USP7: variants seen among roughly 807,000 people sequenced by gnomAD.
The protein encoded by USP7 is ubiquitin specific peptidase 7, also known as ubiquitin C-terminal hydrolase 7.
A neutral mutation model predicts 162.9 loss-of-function variants in USP7; 9 were observed. The observed-to-expected ratio is 0.06, with a 90% confidence interval of 0.03 to 0.10. The LOEUF is 0.10. USP7 is among the 10% of genes least tolerant of loss of function. The pLI is 1.00. For synonymous variants in USP7, 562 were observed against 475.9 expected (o/e 1.18, Z -2.35); for missense variants, 715 against 1,373.7 (o/e 0.52, Z 7.58).
In USP7 at chr16:8,905,402, T is replaced by C. The variant is rs568802738; in HGVS notation, c.1429-71A>G. 143 of 1,582,108 alleles carry C rather than the reference T, an allele frequency of 9.0e-5. No homozygotes were observed. The African/African-American group carries it at 1.5e-3, about 17-fold the overall frequency. On this transcript the variant is annotated intron_variant, in intron 13 of 30. Coordinates refer to ENST00000344836, the MANE Select transcript of USP7 (RefSeq NM_003470.3). ...AAGTACCCAACACTAGAAGGCAGCG[T>C]TGTTCTAAAATGTGTGAACTTCTAG... is the stretch of plus-strand genomic sequence containing the variant.
At chr16:8,950,266 T>C (rs370881738) in intron 1 of USP7, among the ~76,000 whole-genome samples, 3 of 152,064 alleles carry the variant, frequency 2.0e-5, no homozygotes, top group African/African-American at 7.2e-5. Context: ...CCTTGGTATC[T>C]AGGCTTGCAG....
chr16:8,939,885 G>T (rs1898955510), intron 1 of USP7, among the ~76,000 whole-genome samples: 1 of 152,194 alleles, frequency 6.6e-6, no homozygotes, highest in Non-Finnish European at 1.5e-5. Flanking sequence ...AGATCACGAG[G>T]TCAGGAGATT....
At chr16:8,908,885 C>CA (rs2061900341) in intron 11 of USP7, among the ~76,000 whole-genome samples, 4 of 152,244 alleles carry the variant, frequency 2.6e-5, no homozygotes, top group Non-Finnish European at 5.9e-5. Flanking sequence ...AATGCCCAAA[C>CA]AGAACAAGCA....
chr16:8,911,824 C>A (rs1297277218), intron 10 of USP7, among the ~76,000 whole-genome samples: 6 of 152,170 alleles, frequency 3.9e-5, no homozygotes, highest in Non-Finnish European at 8.8e-5. Context: ...GAGGAAATTA[C>A]CTGGGGCAAG....
intron 2 of USP7, among the ~76,000 whole-genome samples, chr16:8,925,430 C>T (rs1897934429): frequency 6.6e-6 from 1 of 152,180 alleles, no homozygotes; most frequent in African/African-American, 2.4e-5. Context: ...TGCCTCTTTT[C>T]CAACCCATCT....
chr16:8,939,649 C>T (rs1050206587), intron 1 of USP7, among the ~76,000 whole-genome samples: 1 of 152,226 alleles, frequency 6.6e-6, no homozygotes, highest in Non-Finnish European at 1.5e-5. Context: ...GAATGTTTCA[C>T]CTCCAGGCAT....
chr16:8,902,862 G>A (rs1053691405), intron 16 of USP7, among the ~76,000 whole-genome samples: 3 of 152,028 alleles, frequency 2.0e-5, no homozygotes, highest in Non-Finnish European at 2.9e-5. Flanking sequence ...GGCAACAAGA[G>A]TGAAACTCTG....
intron 1 of USP7, among the ~76,000 whole-genome samples, chr16:8,944,622 CAGAA>C (rs1191061422): frequency 6.6e-6 from 1 of 152,206 alleles, no homozygotes; most frequent in African/African-American, 2.4e-5. Context: ...CAACCTAGCA[CAGAA>C]AGAAAACTAT....
At chr16:8,953,167 T>C (rs1899636293) in intron 1 of USP7, among the ~76,000 whole-genome samples, 1 of 152,038 alleles carries the variant, frequency 6.6e-6, no homozygotes, top group Admixed American at 6.6e-5. Context: ...CTGTGTCGCC[T>C]TCTCTGTGAG....
chr16:8,916,381 C>A (rs1429364312), intron 8 of USP7, 121 bp downstream of exon 8: 52 of 1,058,432 alleles, frequency 4.9e-5, no homozygotes, highest in South Asian at 1.8e-5. Flanking sequence ...TAGCCTAAGT[C>A]TGATCCTAAA....
intron 7 of USP7, 42 bp downstream of exon 7, chr16:8,916,984 A>AAAG: frequency 6.6e-7 from 1 of 1,514,638 alleles, no homozygotes; most frequent in Non-Finnish European, 8.8e-7. Context: ...AAAAAAAAAA[A>AAAG]AAGAGGAAGC....
intron 1 of USP7, among the ~76,000 whole-genome samples, chr16:8,961,744 G>A (rs967000575): frequency 1.3e-5 from 2 of 152,202 alleles, no homozygotes; most frequent in African/African-American, 4.8e-5. Context: ...TTATGTTTTA[G>A]ATGGGCTGCA....
At chr16:8,938,861 A>T (rs998726597) in intron 1 of USP7, among the ~76,000 whole-genome samples, 1 of 152,172 alleles carries the variant, frequency 6.6e-6, no homozygotes, top group African/African-American at 2.4e-5. Context: ...GATAATTTAA[A>T]CTATATAGGA....
intron 1 of USP7, chr16:8,936,844 G>T (rs959552010): frequency 2.1e-6 from 2 of 961,676 alleles, no homozygotes; most frequent in African/African-American, 3.4e-5. Flanking sequence ...GTGAAACTCT[G>T]AAAGAATCTG....
intron 1 of USP7, among the ~76,000 whole-genome samples, chr16:8,945,838 G>A (rs1205437881): frequency 1.3e-5 from 2 of 151,690 alleles, no homozygotes; most frequent in African/African-American, 2.4e-5. Flanking sequence ...ACTGCTTGAG[G>A]CCAGGAGTCA....
Position 8,895,754 on chromosome 16 carries a change from G to GA in USP7, c.2820-14dup, listed in dbSNP as rs550804234. On this transcript the variant is annotated splice_polypyrimidine_tract_variant and intron_variant, in intron 26 of 30. Transcript: ENST00000344836. ...AATTTCTAGCAGCCTGAACAGAGAG[G>GA]AAAAAAAAATAGGGCAAAATGAAGT... 9.0e-3 allele frequency: 13,604 copies of GA among 1,517,122 alleles called. 47 individuals are homozygous for GA. Among genetic ancestry groups the GA allele is most frequent in the Non-Finnish European group, 0.011 (12,122 of 1,125,814 alleles). The allele number at this position is 1,517,122 out of a possible 1,614,324, so 94.0% of individuals were successfully genotyped here.
At chr16:8,929,694 A>C (rs1346405818) in intron 2 of USP7, among the ~76,000 whole-genome samples, 9 of 152,194 alleles carry the variant, frequency 5.9e-5, no homozygotes, top group Non-Finnish European at 1.3e-4. Flanking sequence ...TGAGGTCACT[A>C]ATTTGATAAA....
chr16:8,955,704 CAAAAAAAAAA>C (rs58029349), intron 1 of USP7, among the ~76,000 whole-genome samples: 6 of 100,974 alleles, frequency 5.9e-5, no homozygotes, highest in East Asian at 3.7e-4. Flanking sequence ...GATTCCATCT[CAAAAAAAAAA>C]AAAAAAAAAA....
In USP7 at chr16:8,923,429, A is replaced by T. The variant is rs775006924; in HGVS notation, c.185-16T>A. The T allele has an allele frequency of 1.2e-6, 2 of 1,613,556 alleles. No homozygotes were observed. The highest frequency in any genetic ancestry group is 2.2e-5 in the South Asian group (2 of 91,034). On this transcript the variant is annotated splice_polypyrimidine_tract_variant and intron_variant, in intron 2 of 30. Coordinates refer to ENST00000344836, the MANE Select transcript of USP7 (RefSeq NM_003470.3). ...CAACTGGTGTCTGCAAAAAAAACAC[A>T]TCATCAGTCACAGAGCCTGTGCATT...
Sources: allele counts gnomAD v4.1 joint callset (sites outside exome capture counted in the v4.1 genomes callset), GRCh38; gene constraint gnomAD v4.1.1; transcripts MANE v1.5; gene names NCBI Gene and HGNC (gene_info 2026-07-23, HGNC 2026-07-21).